RCOR1: variants seen among roughly 807,000 people sequenced by gnomAD.
The protein encoded by RCOR1 is REST corepressor.
In RCOR1, 12 loss-of-function variants were observed where a neutral mutation model predicts 64.0. The ratio of observed to expected loss-of-function variants is 0.19; its 90% CI spans 0.12 to 0.30. RCOR1 has a LOEUF of 0.30. RCOR1 is among the 10% of genes least tolerant of loss of function. The pLI, the probability that RCOR1 is intolerant of heterozygous loss-of-function variation, is 1.00. For missense variants in RCOR1, 502 were observed against 621.2 expected (o/e 0.81, Z 2.04); for synonymous variants, 279 against 227.2 (o/e 1.23, Z -2.05).
chr14:102,716,245 C>T (rs185133242), intron 8 of RCOR1, among the ~76,000 whole-genome samples: 2 of 152,042 alleles, frequency 1.3e-5, no homozygotes, highest in African/African-American at 4.8e-5. Flanking sequence ...TGTCAGGTTG[C>T]GTATTTTCTT....
intron 2 of RCOR1, among the ~76,000 whole-genome samples, chr14:102,663,158 C>A (rs954979354): frequency 6.6e-6 from 1 of 152,154 alleles, no homozygotes; most frequent in African/African-American, 2.4e-5. Context: ...CACAAGTGCT[C>A]CTCTCTGCCT....
chr14:102,613,979 T>C (rs1250525202), intron 2 of RCOR1, among the ~76,000 whole-genome samples: 1 of 138,322 alleles, frequency 7.2e-6, no homozygotes, highest in African/African-American at 2.7e-5. Context: ...CACTGCAACC[T>C]CTGCCTCCCA....
intron 2 of RCOR1, among the ~76,000 whole-genome samples, chr14:102,676,334 G>A (rs1225511995): frequency 7.3e-4 from 100 of 136,262 alleles, no homozygotes; most frequent in African/African-American, 2.4e-3. Context: ...CTGGCCGGGC[G>A]GGGGGCTGAC....
intron 2 of RCOR1, among the ~76,000 whole-genome samples, chr14:102,628,893 CT>C (rs569423625): frequency 3.0e-3 from 415 of 139,198 alleles, no homozygotes; most frequent in Non-Finnish European, 4.1e-3. Context: ...CCAACTTGCT[CT>C]TTTTTTTTTT....
chr14:102,709,061 A>G (rs1895910980), intron 6 of RCOR1, among the ~76,000 whole-genome samples: 1 of 152,194 alleles, frequency 6.6e-6, no homozygotes, highest in Non-Finnish European at 1.5e-5. Flanking sequence ...ATAGCTCAGT[A>G]TGGAGAATAC....
At chr14:102,595,216 A>G (rs1210979289) in intron 2 of RCOR1, among the ~76,000 whole-genome samples, 1 of 152,220 alleles carries the variant, frequency 6.6e-6, no homozygotes, top group African/African-American at 2.4e-5. Flanking sequence ...AATGGAAAAC[A>G]TTTATCAGAT....
chr14:102,691,338 C>T (rs546782460), intron 3 of RCOR1, among the ~76,000 whole-genome samples: 1 of 152,160 alleles, frequency 6.6e-6, no homozygotes, highest in East Asian at 1.9e-4. Context: ...GGGACAAGGG[C>T]TTAAAAAGAA....
rs1297545222 is a variant in RCOR1 at position 102,727,772 on chromosome 14, C to T, written c.*1266C>T. On this transcript the variant is annotated 3_prime_UTR_variant, in exon 12 of 12. Coordinates refer to ENST00000262241, the MANE Select transcript of RCOR1 (RefSeq NM_015156.4). ...TAATGCCTTTTGGTTGGACTGGGAA[C>T]AAGTAAAAATTTCTAATAAACATTT... The T allele has an allele frequency of 6.6e-6, 1 of 152,120 alleles. No individual in the cohort carries two copies. Among genetic ancestry groups the T allele is most frequent in the Non-Finnish European group, 1.5e-5 (1 of 68,028 alleles). 9.4% of individuals were successfully genotyped at this position (152,120 alleles called of 1,614,324 possible).
intron 11 of RCOR1, among the ~76,000 whole-genome samples, chr14:102,723,552 A>C (rs1468128013): frequency 6.6e-6 from 1 of 152,268 alleles, no homozygotes; most frequent in African/African-American, 2.4e-5. Flanking sequence ...TGCCAAGGTC[A>C]GTACCCCTGA....
Position 102,659,016 on chromosome 14 carries a change from G to A in RCOR1, c.362-22879G>A, listed in dbSNP as rs558329945. ...AGTAAGTCCAACCTACACTCAAGTCGGGGAGATTTAAGCTCCATCTCCTAG... is the reference window on the plus strand; with the variant it reads ...AGTAAGTCCAACCTACACTCAAGTCAGGGAGATTTAAGCTCCATCTCCTAG... On this transcript the variant is annotated intron_variant, in intron 2 of 11. Transcript: ENST00000262241. 11 of 602,388 alleles carry A rather than the reference G, an allele frequency of 1.8e-5. No homozygotes were observed. The Middle Eastern group carries it at 2.6e-3, about 143-fold the overall frequency. The allele number at this position is 602,388 out of a possible 1,614,324, so 37.3% of individuals were successfully genotyped here. A position where few individuals can be genotyped will look rare whatever the true frequency, so the allele number is the denominator to read the frequency against.
intron 2 of RCOR1, among the ~76,000 whole-genome samples, chr14:102,676,839 G>A (rs1436709437): frequency 1.1e-5 from 1 of 94,290 alleles, no homozygotes; most frequent in African/African-American, 5.4e-5. Context: ...CGGACGGGGC[G>A]GCTGGCCGGG....
At chr14:102,656,920 C>T (rs1894739234) in intron 2 of RCOR1, 1 of 179,286 alleles carries the variant, frequency 5.6e-6, no homozygotes, top group South Asian at 1.9e-4. Context: ...GGATTTCAGG[C>T]ATACACCACC....
At chr14:102,607,012 C>T (rs1893525335) in intron 2 of RCOR1, among the ~76,000 whole-genome samples, 1 of 149,072 alleles carries the variant, frequency 6.7e-6, no homozygotes, top group Non-Finnish European at 1.5e-5. Context: ...TAGCTCACTG[C>T]AGCCTCTGCC....
chr14:102,708,417 A>C (rs1895898001), intron 5 of RCOR1, 48 bp from the exon 6 acceptor site: 1 of 1,124,296 alleles, frequency 8.9e-7, no homozygotes, highest in African/African-American at 1.5e-5. Context: ...TTTGATTTTT[A>C]AAGATTACTT....
At chr14:102,696,094 C>G (rs1368885469) in intron 3 of RCOR1, among the ~76,000 whole-genome samples, 2 of 152,060 alleles carry the variant, frequency 1.3e-5, no homozygotes, top group Non-Finnish European at 2.9e-5. Flanking sequence ...CTTCATTGAT[C>G]ATTATTATCA....
intron 2 of RCOR1, among the ~76,000 whole-genome samples, chr14:102,628,410 A>G (rs1052324325): frequency 6.6e-6 from 1 of 152,076 alleles, no homozygotes; most frequent in Non-Finnish European, 1.5e-5. Flanking sequence ...TATAGTCCCT[A>G]TAAGAGCTAG....
chr14:102,685,175 A>G (rs1478352836), intron 3 of RCOR1, among the ~76,000 whole-genome samples: 4 of 152,146 alleles, frequency 2.6e-5, no homozygotes, highest in Non-Finnish European at 4.4e-5. Flanking sequence ...ATAAAAATAA[A>G]TGCTATTTTA....
At chr14:102,673,482 G>A (rs189994305) in intron 2 of RCOR1, among the ~76,000 whole-genome samples, 110 of 146,824 alleles carry the variant, frequency 7.5e-4, no homozygotes, top group African/African-American at 2.7e-3. Context: ...GACTACAGTC[G>A]CCCACTACCA....
chr14:102,666,412 C>T (rs1057103766), intron 2 of RCOR1, among the ~76,000 whole-genome samples: 5 of 152,084 alleles, frequency 3.3e-5, no homozygotes, highest in Non-Finnish European at 2.9e-5. Context: ...CCAGTTTCCC[C>T]GTTATTAACA....
Sources: gnomAD v4.1 joint callset for allele counts (sites outside exome capture counted in the v4.1 genomes callset) on GRCh38, gnomAD v4.1.1 for gene constraint, MANE v1.5 for transcripts, NCBI Gene and HGNC (gene_info 2026-07-23, HGNC 2026-07-21) for gene names.